Variants in SPRED1 observed in about 807,000 individuals in gnomAD.
SPRED1 encodes the protein sprouty-related, EVH1 domain-containing protein 1.
SPRED1 carries 18 observed loss-of-function variants against 52.3 expected under a neutral mutation model. That is an observed-to-expected ratio of 0.34 (90% CI 0.24 to 0.51). The LOEUF (loss-of-function observed/expected upper bound fraction) is 0.51, where lower values mean the gene tolerates loss of function less well. Among genes scored for constraint, SPRED1 ranks in the 20% least tolerant of loss-of-function variants. The probability of loss-of-function intolerance (pLI) is 0.97; values close to 1 mark genes in which losing one functional copy is unlikely to be tolerated. For synonymous variants in SPRED1, 155 were observed against 179.7 expected (o/e 0.86, Z 1.10); for missense variants, 485 against 551.0 (o/e 0.88, Z 1.20).
intron 4 of SPRED1, among the ~76,000 whole-genome samples, chr15:38,325,180 A>G (rs1895690813): frequency 6.6e-6 from 1 of 152,194 alleles, no homozygotes; most frequent in Non-Finnish European, 1.5e-5. Context: ...TCAAGTAGAA[A>G]AAATTTACAC....
At chr15:38,267,061 A>G (rs1456277627) in intron 1 of SPRED1, among the ~76,000 whole-genome samples, 1 of 152,226 alleles carries the variant, frequency 6.6e-6, no homozygotes, top group Non-Finnish European at 1.5e-5. Context: ...TAGGAAAACA[A>G]TGAGCAATAA....
intron 2 of SPRED1, among the ~76,000 whole-genome samples, chr15:38,321,815 A>G (rs1314821580): frequency 6.6e-6 from 1 of 151,982 alleles, no homozygotes; most frequent in Non-Finnish European, 1.5e-5. Context: ...CGCTGGTCTC[A>G]AACTCCTGAT....
At chr15:38,299,283 A>G in intron 1 of SPRED1, 90 bp from the exon 2 acceptor site, 4 of 1,342,620 alleles carry the variant, frequency 3.0e-6, no homozygotes, top group Non-Finnish European at 4.3e-6. Flanking sequence ...ATGTTAACTA[A>G]TGTGTTCTTT....
intron 1 of SPRED1, among the ~76,000 whole-genome samples, chr15:38,276,166 A>G (rs1258238428): frequency 1.3e-5 from 2 of 150,072 alleles, no homozygotes; most frequent in African/African-American, 4.9e-5. Flanking sequence ...CATTGCTGGT[A>G]TGTGAGTATT....
intron 2 of SPRED1, among the ~76,000 whole-genome samples, chr15:38,319,237 T>C (rs1306419920): frequency 2.0e-5 from 3 of 152,242 alleles, no homozygotes; most frequent in Non-Finnish European, 4.4e-5. Flanking sequence ...TTTATGACAC[T>C]ACCATTTACT....
intron 2 of SPRED1, among the ~76,000 whole-genome samples, chr15:38,302,893 G>A (rs1895175646): frequency 6.6e-6 from 1 of 152,172 alleles, no homozygotes. Context: ...GCCGGGCGTG[G>A]TGGCTCATAC....
chr15:38,275,488 C>T (rs1336915189), intron 1 of SPRED1, among the ~76,000 whole-genome samples: 1 of 151,962 alleles, frequency 6.6e-6, no homozygotes, highest in Non-Finnish European at 1.5e-5. Context: ...TGGGATGAGG[C>T]TGGTGGTATT....
At chr15:38,329,146 C>G (rs913352051) in intron 4 of SPRED1, among the ~76,000 whole-genome samples, 9 of 152,052 alleles carry the variant, frequency 5.9e-5, no homozygotes, top group Non-Finnish European at 1.3e-4. Context: ...AGAACAAAAC[C>G]CACAAAACTT....
At position 38,306,360 on chromosome 15, in the gene SPRED1, C is replaced by G. The variant is rs1042677989; in HGVS notation, c.207+6813C>G. On this transcript the variant is annotated intron_variant, in intron 2 of 6. Coordinates refer to ENST00000299084, the MANE Select transcript of SPRED1 (RefSeq NM_152594.3). ...TGTTGATAAACATGTTGCTAATGCT[C>G]AGAAAACAATAATGGCAGGAAACGG... 2.0e-4 allele frequency among the ~76,000 whole-genome samples: 31 copies of G among 152,018 alleles called. 1 individual carries two copies. Among genetic ancestry groups the G allele is most frequent in the Admixed American group, 2.0e-3 (31 of 15,264 alleles).
chr15:38,264,563 G>GTT (rs35263920), intron 1 of SPRED1, among the ~76,000 whole-genome samples: 43 of 151,758 alleles, frequency 2.8e-4, no homozygotes, highest in Admixed American at 5.9e-4. Flanking sequence ...CTGCTAAAAT[G>GTT]TTTTTTTTAA....
chr15:38,270,652 A>G (rs1357523441), intron 1 of SPRED1, among the ~76,000 whole-genome samples: 1 of 152,200 alleles, frequency 6.6e-6, no homozygotes, highest in African/African-American at 2.4e-5. Flanking sequence ...TCACAAGAAC[A>G]GCGAGGGGGT....
chr15:38,321,029 A>G (rs1895592230), intron 2 of SPRED1, among the ~76,000 whole-genome samples: 1 of 152,202 alleles, frequency 6.6e-6, no homozygotes, highest in East Asian at 1.9e-4. Context: ...TCTATAGATT[A>G]AAGTTCTGTG....
intron 4 of SPRED1, among the ~76,000 whole-genome samples, chr15:38,335,494 T>G (rs1054739475): frequency 6.6e-6 from 1 of 152,136 alleles, no homozygotes; most frequent in Non-Finnish European, 1.5e-5. Flanking sequence ...TTTAGAAAAT[T>G]ATTTTATTGA....
chr15:38,320,822 C>A (rs1369727015), intron 2 of SPRED1, among the ~76,000 whole-genome samples: 1 of 151,994 alleles, frequency 6.6e-6, no homozygotes, highest in Non-Finnish European at 1.5e-5. Flanking sequence ...CTAATATATC[C>A]ACTTTTGTTT....
In SPRED1 at chr15:38,339,891, A is replaced by G. The variant is rs766431294; in HGVS notation, c.578A>G (p.Asn193Ser). 26 of 1,613,738 alleles carry G rather than the reference A, an allele frequency of 1.6e-5. No homozygotes were observed. The highest frequency in any genetic ancestry group is 2.2e-5 in the South Asian group (2 of 91,078). The change falls in exon 5 of 7, where the codon AAT (asparagine) becomes AGT (serine). Residue 193 changes from asparagine (N) to serine (S), a missense_variant. Asn to Ser is a conservative substitution (Grantham distance 46). This residue lies in a region of SPRED1 where 232 missense variants were observed against 231.8 expected (regional missense o/e 1.00). Coordinates refer to ENST00000299084, the MANE Select transcript of SPRED1 (RefSeq NM_152594.3). ...ARRVYMQSQANQITFGQPGLD... is the reference protein window; with the variant it reads ...ARRVYMQSQASQITFGQPGLD... Reference sequence around the variant, plus strand: ...AGAGTCTACATGCAAAGCCAAGCCAATCAGGTAAGAAGATAAAATATTTTT... The same window carrying G: ...AGAGTCTACATGCAAAGCCAAGCCAGTCAGGTAAGAAGATAAAATATTTTT...
chr15:38,281,419 GTC>G (rs894314228), intron 1 of SPRED1, among the ~76,000 whole-genome samples: 3 of 152,080 alleles, frequency 2.0e-5, no homozygotes, highest in African/African-American at 7.2e-5. Flanking sequence ...TGAGACGGGA[GTC>G]TCTGTCTGTC....
rs1025609993 is a variant in SPRED1 at position 38,353,194 on chromosome 15, A to G, written c.*1530A>G. The G allele has an allele frequency of 2.6e-5, 4 of 152,452 alleles. No homozygotes were observed. The highest frequency in any genetic ancestry group is 7.2e-5 in the African/African-American group (3 of 41,426). The allele number at this position is 152,452 out of a possible 1,614,324, so 9.4% of individuals were successfully genotyped here. Reference sequence around the variant, plus strand: ...TGATAAAAATTAAAATCACACTACTATTTGAAGCTCATTTTCTATGCAGGT... The same window carrying G: ...TGATAAAAATTAAAATCACACTACTGTTTGAAGCTCATTTTCTATGCAGGT... On this transcript the variant is annotated 3_prime_UTR_variant, in exon 7 of 7. Transcript: ENST00000299084.
chr15:38,273,999 CT>C (rs1180864152), intron 1 of SPRED1, among the ~76,000 whole-genome samples: 1 of 152,152 alleles, frequency 6.6e-6, no homozygotes, highest in Non-Finnish European at 1.5e-5. Flanking sequence ...ATCTTGAGAA[CT>C]TTTTCACTAT....
Position 38,352,422 on chromosome 15 carries a change from C to CT in SPRED1, c.*759dup, listed in dbSNP as rs927320048. On this transcript the variant is annotated 3_prime_UTR_variant, in exon 7 of 7. Coordinates refer to ENST00000299084, the MANE Select transcript of SPRED1 (RefSeq NM_152594.3). ...GTAATCTAAAATCCTTAAAAATACT[C>CT]TAATAGCCTTGAGTGACCAACTTTT... 1.3e-5 allele frequency: 2 copies of CT among 152,368 alleles called. No individual in the cohort carries two copies. The highest frequency in any genetic ancestry group is 1.3e-4 in the Admixed American group (2 of 15,254). 9.4% of individuals were successfully genotyped at this position (152,368 alleles called of 1,614,324 possible). A position where few individuals can be genotyped will look rare whatever the true frequency, so the allele number is the denominator to read the frequency against.
Sources: allele counts gnomAD v4.1 joint callset (sites outside exome capture counted in the v4.1 genomes callset), GRCh38; gene constraint gnomAD v4.1.1; regional missense constraint gnomAD v4.1.1; transcripts MANE v1.5; gene names NCBI Gene and HGNC (gene_info 2026-07-23, HGNC 2026-07-21).